The following PLCXD3 variants were observed in gnomAD, a reference collection of about 807,000 sequenced individuals.
The protein encoded by PLCXD3 is phosphatidylinositol specific phospholipase C X domain containing 3.
Under a neutral mutation model 25.5 loss-of-function variants are expected in PLCXD3, and 19 were observed. That is an observed-to-expected ratio of 0.75 (90% CI 0.52 to 1.09). PLCXD3 has a LOEUF of 1.09. Ranked by LOEUF, PLCXD3 falls within the 50% of genes least tolerant of loss-of-function variation. The pLI is 0.00. For missense variants in PLCXD3, 411 were observed against 388.1 expected, an observed-to-expected ratio of 1.06 and a Z score of -0.50; for synonymous variants, 174 against 137.6, an observed-to-expected ratio of 1.26 and a Z score of -1.85.
At chr5:41,411,055 A>G (rs1224269903) in intron 1 of PLCXD3, among the ~76,000 whole-genome samples, 1 of 152,150 alleles carries the variant, frequency 6.6e-6, no homozygotes, top group African/African-American at 2.4e-5. Flanking sequence ...AAACAAGTCC[A>G]TATCACTAAA....
intron 1 of PLCXD3, among the ~76,000 whole-genome samples, chr5:41,392,223 T>C (rs1238271600): frequency 6.6e-6 from 1 of 152,138 alleles, no homozygotes; most frequent in Non-Finnish European, 1.5e-5. Context: ...AAGGAGTGGT[T>C]ACAGCCAGTG....
At chr5:41,468,432 A>C (rs1382341091) in intron 1 of PLCXD3, among the ~76,000 whole-genome samples, 1 of 152,148 alleles carries the variant, frequency 6.6e-6, no homozygotes, top group African/African-American at 2.4e-5. Context: ...AACTTTGATG[A>C]GAATTTCTTT....
chr5:41,416,727 G>T (rs1033269197), intron 1 of PLCXD3, among the ~76,000 whole-genome samples: 1 of 152,198 alleles, frequency 6.6e-6, no homozygotes, highest in Non-Finnish European at 1.5e-5. Flanking sequence ...AGATGTGGCA[G>T]GTTGAGAACA....
At chr5:41,439,237 G>T (rs2150511074) in intron 1 of PLCXD3, among the ~76,000 whole-genome samples, 1 of 152,262 alleles carries the variant, frequency 6.6e-6, no homozygotes, top group African/African-American at 2.4e-5. Flanking sequence ...AAGAAACTGA[G>T]AGAGATTATT....
intron 2 of PLCXD3, among the ~76,000 whole-genome samples, chr5:41,373,741 T>C (rs551853449): frequency 3.1e-4 from 47 of 152,178 alleles, no homozygotes; most frequent in African/African-American, 1.0e-3. Context: ...GGGGAGGAAG[T>C]TGGGATGCAG....
At chr5:41,410,378 C>T (rs1435403466) in intron 1 of PLCXD3, among the ~76,000 whole-genome samples, 2 of 151,896 alleles carry the variant, frequency 1.3e-5, no homozygotes, top group African/African-American at 4.8e-5. Context: ...CTCCTGACCT[C>T]GTGATCTGCC....
At chr5:41,459,944 C>T (rs1296485455) in intron 1 of PLCXD3, among the ~76,000 whole-genome samples, 2 of 151,812 alleles carry the variant, frequency 1.3e-5, no homozygotes, top group African/African-American at 4.8e-5. Context: ...AAAGATAAAT[C>T]CTGCAAGGAG....
At chr5:41,422,750 T>C (rs939730643) in intron 1 of PLCXD3, among the ~76,000 whole-genome samples, 4 of 152,206 alleles carry the variant, frequency 2.6e-5, no homozygotes, top group Non-Finnish European at 5.9e-5. Flanking sequence ...CCAGGTATCT[T>C]TTACTTCGTT....
chr5:41,417,809 C>T (rs1168140246), intron 1 of PLCXD3, among the ~76,000 whole-genome samples: 2 of 152,142 alleles, frequency 1.3e-5, no homozygotes, highest in African/African-American at 2.4e-5. Flanking sequence ...CCCAGGAGGG[C>T]AGCCAGAGAA....
intron 2 of PLCXD3, among the ~76,000 whole-genome samples, chr5:41,323,279 G>C (rs1356302994): frequency 6.6e-6 from 1 of 152,144 alleles, no homozygotes; most frequent in African/African-American, 2.4e-5. Context: ...AAAAAAGTTA[G>C]AAAGAAGAAA....
intron 1 of PLCXD3, among the ~76,000 whole-genome samples, chr5:41,501,046 A>T (rs1018985826): frequency 6.6e-6 from 1 of 151,964 alleles, no homozygotes; most frequent in Non-Finnish European, 1.5e-5. Context: ...TATCAAAAAT[A>T]TATAAAATAA....
intron 1 of PLCXD3, among the ~76,000 whole-genome samples, chr5:41,411,735 ATTTT>A (rs1746526854): frequency 8.3e-6 from 1 of 120,774 alleles, no homozygotes; most frequent in African/African-American, 2.9e-5. Flanking sequence ...ATAATTTTAT[ATTTT>A]ATAATTTTAT....
At chr5:41,395,958 G>T (rs1254729890) in intron 1 of PLCXD3, among the ~76,000 whole-genome samples, 1 of 150,200 alleles carries the variant, frequency 6.7e-6, no homozygotes, top group Non-Finnish European at 1.5e-5. Flanking sequence ...ATTCTATGAG[G>T]CCAGCATACC....
At chr5:41,480,575 C>T (rs1286218960) in intron 1 of PLCXD3, among the ~76,000 whole-genome samples, 2 of 151,766 alleles carry the variant, frequency 1.3e-5, no homozygotes, top group African/African-American at 4.8e-5. Flanking sequence ...GTTTAGTTTG[C>T]TCCTTTACTT....
In PLCXD3 at chr5:41,309,021, G is replaced by A. The variant is rs1303262594; in HGVS notation, c.*4596C>T. On this transcript the variant is annotated 3_prime_UTR_variant, in exon 3 of 3. Transcript: ENST00000377801. ...TCTGTTTCAATTTTAAATCCAAATT[G>A]CAAAAACAACAAAAAAGTGTTAATA... 1.3e-5 allele frequency: 2 copies of A among 152,424 alleles called. No individual in the cohort carries two copies. The highest frequency in any genetic ancestry group is 1.9e-4 in the East Asian group (1 of 5,190). The allele number at this position is 152,424 out of a possible 1,614,324, so 9.4% of individuals were successfully genotyped here.
chr5:41,352,700 C>T (rs1006536455), intron 2 of PLCXD3, among the ~76,000 whole-genome samples: 1 of 152,178 alleles, frequency 6.6e-6, no homozygotes, highest in Non-Finnish European at 1.5e-5. Flanking sequence ...AACAAATACA[C>T]ATCTGAAGAA....
chr5:41,364,139 C>G (rs1744870968), intron 2 of PLCXD3, among the ~76,000 whole-genome samples: 1 of 152,086 alleles, frequency 6.6e-6, no homozygotes, highest in African/African-American at 2.4e-5. Context: ...TCAGTCATAA[C>G]TCAGGGGAAG....
At chr5:41,460,116 A>G (rs190609033) in intron 1 of PLCXD3, among the ~76,000 whole-genome samples, 34 of 152,018 alleles carry the variant, frequency 2.2e-4, no homozygotes, top group African/African-American at 8.2e-4. Context: ...ATAGAATATA[A>G]CATAATGGTT....
chr5:41,327,731 A>G (rs77701832), intron 2 of PLCXD3, among the ~76,000 whole-genome samples: 1 of 152,174 alleles, frequency 6.6e-6, no homozygotes, highest in Admixed American at 6.6e-5. Context: ...TTAGTATAGA[A>G]GGATGTGATT....
Sources: allele counts gnomAD v4.1 joint callset (sites outside exome capture counted in the v4.1 genomes callset), GRCh38; gene constraint gnomAD v4.1.1; transcripts MANE v1.5; gene names NCBI Gene and HGNC (gene_info 2026-07-23, HGNC 2026-07-21).